Variants in GALNT6 observed in about 807,000 individuals in gnomAD.
The protein encoded by GALNT6 is GalNAc transferase 6.
GALNT6 carries 51 observed loss-of-function variants against 65.9 expected under a neutral mutation model. That is an observed-to-expected ratio of 0.77 (90% CI 0.62 to 0.98). GALNT6 has a LOEUF of 0.98. Among genes scored for constraint, GALNT6 ranks in the 50% least tolerant of loss-of-function variants. The pLI is 0.00. For synonymous variants in GALNT6, 323 were observed against 315.1 expected (o/e 1.02, Z -0.26); for missense variants, 708 against 803.3 (o/e 0.88, Z 1.43).
Position 51,377,332 on chromosome 12 carries a change from AG to A in GALNT6, c.526del (p.Leu176TrpfsTer6). On this transcript the variant is annotated frameshift_variant, in exon 4 of 12. Transcript: ENST00000356317. LOFTEE classifies it high-confidence loss of function. ...CACAATGATCACGCTGGTGGTGGCC[AG>A]TGGGGGGCAGCGCCGGAACTTCTGG... ...VDQKFRRCPP[L>X]ATTSVIIVFH... 1 of 1,612,788 alleles carries A rather than the reference AG, an allele frequency of 6.2e-7. No homozygotes were observed. The highest frequency in any genetic ancestry group is 2.2e-5 in the East Asian group (1 of 44,878).
In GALNT6 at chr12:51,353,329, A is replaced by C. The variant is rs1453894125; in HGVS notation, c.*1050T>G. On this transcript the variant is annotated 3_prime_UTR_variant, in exon 12 of 12. Transcript: ENST00000356317. The stretch of plus-strand genomic sequence containing the variant: ...CTTCAGGTAATAATAGCAAGGGAGG[A>C]TCTCTTAGACCTCTGATCTGTCTGT... The C allele has an allele frequency of 6.6e-6, 1 of 151,330 alleles. No individual in the cohort carries two copies. The highest frequency in any genetic ancestry group is 2.4e-5 in the African/African-American group (1 of 41,128). The allele number at this position is 151,330 out of a possible 1,614,324, so 9.4% of individuals were successfully genotyped here. A position where few individuals can be genotyped will look rare whatever the true frequency, so the allele number is the denominator to read the frequency against.
intron 2 of GALNT6, among the ~76,000 whole-genome samples, chr12:51,386,865 C>G (rs1201329700): frequency 1.3e-5 from 2 of 152,170 alleles, no homozygotes; most frequent in Non-Finnish European, 2.9e-5. Context: ...ATACTGTGAA[C>G]AGAAGAGCAA....
chr12:51,359,423 A>T, intron 7 of GALNT6, 91 bp from the exon 8 acceptor site: 1 of 861,846 alleles, frequency 1.2e-6, no homozygotes, highest in Non-Finnish European at 1.8e-6. Context: ...AGAGCACCAG[A>T]CCCCAGGTCC....
chr12:51,363,598 T>C (rs1946996109), intron 6 of GALNT6, among the ~76,000 whole-genome samples: 1 of 152,240 alleles, frequency 6.6e-6, no homozygotes, highest in South Asian at 2.1e-4. Flanking sequence ...TGCTACAAAC[T>C]TCACGCTGCA....
At chr12:51,384,044 C>T (rs1947753099) in intron 2 of GALNT6, among the ~76,000 whole-genome samples, 1 of 152,196 alleles carries the variant, frequency 6.6e-6, no homozygotes. Context: ...CTCCTGCTTT[C>T]CTGGCAAGTG....
intron 2 of GALNT6, among the ~76,000 whole-genome samples, chr12:51,384,523 C>A (rs563858859): frequency 1.2e-4 from 17 of 143,114 alleles, no homozygotes; most frequent in Non-Finnish European, 2.6e-4. Context: ...GAAACCCCTT[C>A]TCTACTAAAA....
chr12:51,355,805 C>A lies in GALNT6; in HGVS notation c.1755+1G>T. On this transcript the variant is annotated splice_donor_variant, in intron 11 of 11. Coordinates refer to ENST00000356317, the MANE Select transcript of GALNT6 (RefSeq NM_007210.4). LOFTEE classifies it high-confidence loss of function. ...TCTGAGCTTTCTGGACACTGACTCA[C>A]CTGGGCCAATTCCCATTCCTCGTCC... is the stretch of plus-strand genomic sequence containing the variant. 1 of 1,612,538 alleles carries A rather than the reference C, an allele frequency of 6.2e-7. No homozygotes were observed. Among genetic ancestry groups the A allele is most frequent in the South Asian group, 1.1e-5 (1 of 91,012 alleles).
Position 51,364,175 on chromosome 12 carries a change from T to C in GALNT6, c.995A>G (p.Glu332Gly), listed in dbSNP as rs1592322825. ...NFDWSLTFGW[E>G]TLPPHEKQRR... ...CTGCTTCTCATGTGGAGGAAGTGTTTCCCAGCCGAAGGTCAGGCTCCAGTC... is the reference window on the plus strand; with the variant it reads ...CTGCTTCTCATGTGGAGGAAGTGTTCCCCAGCCGAAGGTCAGGCTCCAGTC... Residue 332 changes from glutamate (E) to glycine (G), a missense_variant, in exon 6 of 12, where the codon GAA becomes GGA. Coordinates refer to ENST00000356317, the MANE Select transcript of GALNT6 (RefSeq NM_007210.4). The C allele has an allele frequency of 6.2e-7, 1 of 1,614,172 alleles. No individual in the cohort carries two copies. Among genetic ancestry groups the C allele is most frequent in the African/African-American group, 1.3e-5 (1 of 75,042 alleles).
chr12:51,365,954 GT>G (rs1452329528), intron 4 of GALNT6, among the ~76,000 whole-genome samples: 1 of 152,150 alleles, frequency 6.6e-6, no homozygotes, highest in Non-Finnish European at 1.5e-5. Context: ...GTCTCATTCT[GT>G]CACCCAGGCT....
chr12:51,378,878 G>GGCC (rs1947550866), intron 3 of GALNT6, among the ~76,000 whole-genome samples: 1 of 119,408 alleles, frequency 8.4e-6, no homozygotes, highest in African/African-American at 3.4e-5. Context: ...GTTAAGAAAT[G>GGCC]CCCACCCCCC....
intron 4 of GALNT6, among the ~76,000 whole-genome samples, chr12:51,369,433 G>A (rs561799522): frequency 8.5e-4 from 129 of 152,184 alleles, no homozygotes; most frequent in African/African-American, 2.7e-3. Context: ...CTGTACCGGT[G>A]AGCCCAGCCA....
chr12:51,369,206 G>A (rs895775008), intron 4 of GALNT6, among the ~76,000 whole-genome samples: 1 of 152,192 alleles, frequency 6.6e-6, no homozygotes, highest in Non-Finnish European at 1.5e-5. Context: ...AACCTCAGGG[G>A]GGGCCCCGAG....
rs1006462250 is a variant in GALNT6 at position 51,378,804 on chromosome 12, C to T, written c.491+487G>A. ...TTCAGATAAAGGTTGGAATCAATTC[C>T]GGCCTTGTGGGCCTTCACTGGAGGA... On this transcript the variant is annotated intron_variant, in intron 3 of 11. Transcript: ENST00000356317. 5.3e-5 allele frequency among the ~76,000 whole-genome samples: 8 copies of T among 152,186 alleles called. No individual in the cohort carries two copies. In the South Asian group the frequency reaches 6.2e-4, roughly 12 times the overall value.
rs78058491 is a variant in GALNT6, at chr12:51,384,134, T to C, written c.-103-4250A>G. Among the ~76,000 whole-genome samples the C allele has an allele frequency of 5.9e-3, 893 of 152,234 alleles. 47 individuals carry two copies. The East Asian group carries it at 0.11, about 19-fold the overall frequency. ...CCAAGTCTTTTTCCTCCAGCTACCC[T>C]TGGGCCTGCAACTCTTTGGACCATC... On this transcript the variant is annotated intron_variant, in intron 2 of 11. Transcript: ENST00000356317.
intron 4 of GALNT6, among the ~76,000 whole-genome samples, chr12:51,375,865 T>C (rs558765214): frequency 6.1e-4 from 92 of 152,058 alleles, no homozygotes; most frequent in African/African-American, 2.1e-3. Flanking sequence ...TCCTTTTTTT[T>C]GTTTTGTTTT....
Position 51,360,833 on chromosome 12 carries a change from G to A in GALNT6, c.1055C>T (p.Pro352Leu), listed in dbSNP as rs764142518. ...RKDETYPIKS[P>L]TFAGGLFSIS... ...GGAGAAGAGGCCACCAGCAAACGTC[G>A]GGGATCTGGAGAGACAGAGGGAGAA... The change falls in exon 7 of 12, where the codon CCG (proline) becomes CTG (leucine). Residue 352 changes from proline (P) to leucine (L), a missense_variant. Coordinates refer to ENST00000356317, the MANE Select transcript of GALNT6 (RefSeq NM_007210.4). 10 of 1,606,032 alleles carry A rather than the reference G, an allele frequency of 6.2e-6. No homozygotes were observed. The highest frequency in any genetic ancestry group is 7.7e-6 in the Non-Finnish European group (9 of 1,172,800).
intron 2 of GALNT6, among the ~76,000 whole-genome samples, chr12:51,386,190 C>G (rs111370600): frequency 3.3e-4 from 51 of 152,308 alleles, no homozygotes; most frequent in African/African-American, 1.2e-3. Context: ...ATTTTATCAA[C>G]GGCGAGGCCA....
chr12:51,365,364 G>C, intron 5 of GALNT6, 66 bp downstream of exon 5: 1 of 1,457,824 alleles, frequency 6.9e-7, no homozygotes, highest in African/African-American at 1.4e-5. Context: ...GGAGGCTGTG[G>C]CCCTGGCTCA....
chr12:51,369,830 G>A lies in GALNT6; in HGVS notation c.665-4251C>T, dbSNP rs899949878. On this transcript the variant is annotated intron_variant, in intron 4 of 11. Coordinates refer to ENST00000356317, the MANE Select transcript of GALNT6 (RefSeq NM_007210.4). ...ATCAGCACATCTGCAGGTACTGCCA[G>A]CTCTCTCTCTCATCCCCACAGTCAC... Among the ~76,000 whole-genome samples the A allele has an allele frequency of 2.6e-5, 4 of 152,008 alleles. No homozygotes were observed. The East Asian group carries it at 7.7e-4, about 29-fold the overall frequency.
Sources: allele counts gnomAD v4.1 joint callset (sites outside exome capture counted in the v4.1 genomes callset), GRCh38; gene constraint gnomAD v4.1.1; transcripts MANE v1.5; gene names NCBI Gene and HGNC (gene_info 2026-07-23, HGNC 2026-07-21).